Variants in APLP2 observed in about 807,000 individuals in gnomAD.
APLP2 encodes amyloid beta precursor like protein 2, also known as CDEI box-binding protein.
APLP2 carries 53 observed loss-of-function variants against 89.9 expected under a neutral mutation model. The observed-to-expected ratio is 0.59, with a 90% CI of 0.47 to 0.74. The LOEUF is 0.74. Ranked by LOEUF, APLP2 falls within the 30% of genes least tolerant of loss-of-function variation. The pLI, the probability that APLP2 is intolerant of heterozygous loss-of-function variation, is 0.00. For synonymous variants in APLP2, 372 were observed against 348.6 expected, an observed-to-expected ratio of 1.07 and a Z score of -0.75; for missense variants, 973 against 975.9, an observed-to-expected ratio of 1.00 and a Z score of 0.04.
intron 1 of APLP2, chr11:130,108,478 G>C (rs1156466404): frequency 3.3e-5 from 5 of 152,242 alleles, no homozygotes; most frequent in Admixed American, 6.5e-5. Flanking sequence ...CTGGCCATCA[G>C]AGAAATGCAA....
chr11:130,143,703 G>A lies in APLP2; in HGVS notation c.*255G>A. 5.4e-6 allele frequency: 2 copies of A among 369,492 alleles called. 1 individual carries two copies. The highest frequency in any genetic ancestry group is 7.8e-5 in the South Asian group (2 of 25,530). The allele number at this position is 369,492 out of a possible 1,614,324, so 22.9% of individuals were successfully genotyped here. ...AAATGATCTATTGCAGATATTTGAT[G>A]TAGTTTTCTTTTTTAAATTAATCAG... On this transcript the variant is annotated 3_prime_UTR_variant, in exon 17 of 17. Transcript: ENST00000338167.
intron 1 of APLP2, among the ~76,000 whole-genome samples, chr11:130,076,483 G>C (rs956215595): frequency 6.6e-6 from 1 of 152,140 alleles, no homozygotes; most frequent in Non-Finnish European, 1.5e-5. Context: ...ACGGTTCCCT[G>C]TAGAGATTTT....
chr11:130,135,266 G>T (rs998298344), intron 12 of APLP2, among the ~76,000 whole-genome samples: 3 of 152,314 alleles, frequency 2.0e-5, no homozygotes, highest in African/African-American at 7.2e-5. Flanking sequence ...ATTTCATGGT[G>T]TATATGTATA....
At chr11:130,127,880 C>T (rs1252075457) in intron 9 of APLP2, 40 bp downstream of exon 9, 2 of 1,576,212 alleles carry the variant, frequency 1.3e-6, no homozygotes, top group African/African-American at 1.4e-5. Flanking sequence ...TCAGCCTGAC[C>T]ATTGGAAAAT....
At chr11:130,134,102 C>T (rs769708537) in intron 12 of APLP2, among the ~76,000 whole-genome samples, 3 of 152,230 alleles carry the variant, frequency 2.0e-5, no homozygotes, top group Non-Finnish European at 4.4e-5. Flanking sequence ...CGGTCTTTAT[C>T]TTCTTCATTT....
At chr11:130,117,918 TA>T (rs1460962603) in intron 3 of APLP2, among the ~76,000 whole-genome samples, 3 of 151,816 alleles carry the variant, frequency 2.0e-5, no homozygotes, top group Non-Finnish European at 4.4e-5. Flanking sequence ...CTACTAAAAA[TA>T]CAAAAAAATT....
rs765345417 is a variant in APLP2, at chr11:130,109,507, C to T, written c.184C>T (p.His62Tyr). 13 of 1,613,718 alleles carry T rather than the reference C, an allele frequency of 8.1e-6. No homozygotes were observed. Among genetic ancestry groups the T allele is most frequent in the Non-Finnish European group, 1.1e-5 (13 of 1,179,858 alleles). Residue 62 changes from histidine (H) to tyrosine (Y), a missense_variant, in exon 2 of 17, where the codon CAT becomes TAT. By Grantham distance (83) the His-to-Tyr change is moderately conservative (BLOSUM62 2). Transcript: ENST00000338167. ...IAMFCGKLNM[H>Y]VNIQTGKWEP... is the part of the protein sequence containing the mutation. ...AATGTTTTGTGGGAAGTTAAATATG[C>T]ATGTGAACATTCAGACTGGGAAATG...
chr11:130,109,389 C>T, intron 1 of APLP2, 40 bp from the exon 2 acceptor site: 1 of 1,580,444 alleles, frequency 6.3e-7, no homozygotes, highest in Non-Finnish European at 8.6e-7. Context: ...TCTGTGCTAG[C>T]CTTCTTGGAG....
intron 1 of APLP2, among the ~76,000 whole-genome samples, chr11:130,091,461 C>A (rs1591779571): frequency 2.2e-5 from 3 of 136,018 alleles, no homozygotes; most frequent in African/African-American, 5.8e-5. Context: ...GCGCCCCTCA[C>A]CTCCCAGACG....
chr11:130,141,332 TG>T lies in APLP2; in HGVS notation c.1924-162del, dbSNP rs1399280272. 1.6e-6 allele frequency: 1 copy of T among 622,806 alleles called. No homozygotes were observed. Among genetic ancestry groups the T allele is most frequent in the Non-Finnish European group, 2.9e-6 (1 of 345,386 alleles). The allele number at this position is 622,806 out of a possible 1,614,324, so 38.6% of individuals were successfully genotyped here. ...CATACCTGCCCCTTCATTAGGGGTT[TG>T]GGGAGTGGATTTGGAAGGCTGTGAC... is the stretch of plus-strand genomic sequence containing the variant. On this transcript the variant is annotated intron_variant, in intron 14 of 16. Coordinates refer to ENST00000338167, the MANE Select transcript of APLP2 (RefSeq NM_001142276.2). The surrounding 1 kb of genome is among the most constrained non-coding windows in gnomAD (Gnocchi z 4.2).
rs191442194 is a variant in APLP2, at chr11:130,133,483, C to T, written c.1585-146C>T. 4.8e-6 allele frequency: 3 copies of T among 621,898 alleles called. No individual in the cohort carries two copies. The East Asian group carries it at 8.2e-5, about 17-fold the overall frequency. The allele number at this position is 621,898 out of a possible 1,614,324, so 38.5% of individuals were successfully genotyped here. A position where few individuals can be genotyped will look rare whatever the true frequency, so the allele number is the denominator to read the frequency against. On this transcript the variant is annotated intron_variant, in intron 11 of 16. Transcript: ENST00000338167. ...TGGCGTGAGGATTAATACATTTCCCCTGACCAGTTGCTTTGCTAGACTCTG... is the reference window on the plus strand; with the variant it reads ...TGGCGTGAGGATTAATACATTTCCCTTGACCAGTTGCTTTGCTAGACTCTG...
chr11:130,083,016 CTT>C (rs1943455833), intron 1 of APLP2, among the ~76,000 whole-genome samples: 1 of 117,020 alleles, frequency 8.5e-6, no homozygotes, highest in African/African-American at 3.8e-5. Flanking sequence ...ACCACTGAAA[CTT>C]TTCTTTTCTT....
chr11:130,123,515 TC>T lies in APLP2; in HGVS notation c.923-92del. On this transcript the variant is annotated intron_variant, in intron 6 of 16. Coordinates refer to ENST00000338167, the MANE Select transcript of APLP2 (RefSeq NM_001142276.2). This position sits in a 1 kb window ranked among gnomAD's most constrained non-coding sequence, Gnocchi z 4.0. ...TCCAGGCTCCGTCCAGTCTCAGGCC[TC>T]CCCCAGCCCATCCCCCAGCTCGCCA... 6.7e-6 allele frequency: 9 copies of T among 1,341,376 alleles called. No homozygotes were observed. In the South Asian group the frequency reaches 8.3e-5, roughly 12 times the overall value. 83.1% of individuals were successfully genotyped at this position (1,341,376 alleles called of 1,614,324 possible). A position where few individuals can be genotyped will look rare whatever the true frequency, so the allele number is the denominator to read the frequency against.
chr11:130,104,307 C>T (rs1208599385), intron 1 of APLP2, among the ~76,000 whole-genome samples: 2 of 149,836 alleles, frequency 1.3e-5, no homozygotes, highest in African/African-American at 4.9e-5. Flanking sequence ...CAACCTCTGC[C>T]TCCTGGGTTC....
At chr11:130,125,207 A>T (rs1013435939) in intron 7 of APLP2, among the ~76,000 whole-genome samples, 1 of 152,098 alleles carries the variant, frequency 6.6e-6, no homozygotes, top group African/African-American at 2.4e-5. Context: ...TTCCACAGGG[A>T]CCGAGGGTGT....
At position 130,121,703 on chromosome 11, in the gene APLP2, C is replaced by T. The variant is rs1448666725; in HGVS notation, c.606C>T (p.Cys202=). 1 of 1,614,010 alleles carries T rather than the reference C, an allele frequency of 6.2e-7. No homozygotes were observed. The highest frequency in any genetic ancestry group is 2.2e-5 in the East Asian group (1 of 44,874). ...AGTTCCATGGCACTGAATATGTGTG[C>T]TGCCCTCAGACAAAGATTATTGGAT... ...VDQFHGTEYV[C]CPQTKIIGSV... is the part of the protein sequence containing the mutation. The change falls in exon 5 of 17, where the codon TGC becomes TGT. Residue 202 remains cysteine, a synonymous_variant. Transcript: ENST00000338167.
intron 1 of APLP2, among the ~76,000 whole-genome samples, chr11:130,073,975 A>G (rs976614069): frequency 1.3e-5 from 2 of 152,090 alleles, no homozygotes; most frequent in Admixed American, 6.5e-5. Flanking sequence ...TTTTTTGCCA[A>G]ATTATTTGAG....
At chr11:130,110,710 T>A in intron 3 of APLP2, 49 bp downstream of exon 3, 1 of 1,547,778 alleles carries the variant, frequency 6.5e-7, no homozygotes, top group Non-Finnish European at 8.7e-7. Context: ...CCTCCCATTT[T>A]AAATTTAATT....
Position 130,110,695 on chromosome 11 carries a change from A to C in APLP2, c.403+34A>C, listed in dbSNP as rs1437423990. The C allele has an allele frequency of 2.5e-6, 4 of 1,581,424 alleles. No homozygotes were observed. The Admixed American group carries it at 7.9e-5, about 31-fold the overall frequency. ...TCTTGGTTACTTTTCAGGAAGTGCC[A>C]GCCCCCTCCCATTTTAAATTTAATT... On this transcript the variant is annotated intron_variant, in intron 3 of 16. Transcript: ENST00000338167.
Sources: allele counts gnomAD v4.1 joint callset (sites outside exome capture counted in the v4.1 genomes callset), GRCh38; gene constraint gnomAD v4.1.1; non-coding constraint Gnocchi (gnomAD v3.1); transcripts MANE v1.5; gene names NCBI Gene and HGNC (gene_info 2026-07-23, HGNC 2026-07-21).